Variants in ALG12 observed in about 807,000 individuals in gnomAD.
The protein encoded by ALG12 is ALG12 alpha-1,6-mannosyltransferase.
Under a neutral mutation model 46.0 loss-of-function variants are expected in ALG12, and 36 were observed. That is an observed-to-expected ratio of 0.78 (90% CI 0.60 to 1.03). The LOEUF (loss-of-function observed/expected upper bound fraction) is 1.03, where lower values mean the gene tolerates loss of function less well. Ranked by LOEUF, ALG12 falls within the 50% of genes least tolerant of loss-of-function variation. ALG12 has a pLI of 0.00. For synonymous variants in ALG12, 326 were observed against 291.6 expected, an observed-to-expected ratio of 1.12 and a Z score of -1.20; for missense variants, 599 against 633.5, an observed-to-expected ratio of 0.95 and a Z score of 0.58.
chr22:49,893,539 G>A, the ALG12 span, among the ~76,000 whole-genome samples: 1 of 152,060 alleles, frequency 6.6e-6, no homozygotes, highest in African/African-American at 2.4e-5. Flanking sequence ...TACCAATCTA[G>A]ATTTATATAC....
chr22:49,910,088 A>G lies in ALG12; in HGVS notation c.470T>C (p.Val157Ala). Residue 157 changes from valine (V) to alanine (A), a missense_variant and splice_region_variant, in exon 5 of 10, where the codon GTC (valine) becomes GCC (alanine). Physicochemically the swap from Val to Ala is moderately conservative, Grantham distance 64. Transcript: ENST00000330817. ...CAGCCAGGCCGCGAGGGCCAGCAGGACTGCAAGACAGTGCGGGAGGGTGCT... is the reference window on the plus strand; with the variant it reads ...CAGCCAGGCCGCGAGGGCCAGCAGGGCTGCAAGACAGTGCGGGAGGGTGCT... ...TLPNVLALPV[V>A]LLALAAWLRH... 1.9e-6 allele frequency: 3 copies of G among 1,604,922 alleles called. No homozygotes were observed. The highest frequency in any genetic ancestry group is 2.6e-6 in the Non-Finnish European group (3 of 1,176,380).
Position 49,909,262 on chromosome 22 carries a change from G to GTGA in ALG12, c.749_750insTCA (p.Asn250_Lys251insHis). 6.2e-7 allele frequency: 1 copy of GTGA among 1,614,252 alleles called. No homozygotes were observed. The highest frequency in any genetic ancestry group is 8.5e-7 in the Non-Finnish European group (1 of 1,180,042). On this transcript the variant is annotated inframe_insertion, in exon 6 of 10. Transcript: ENST00000330817. ...AGGATACCCCCCAGTTGGAGCTTTT[G>GTGA]TTCAGGACAGTGTTGTACCAAAGCA...
the ALG12 span, among the ~76,000 whole-genome samples, chr22:49,879,982 C>G: frequency 6.6e-6 from 1 of 150,902 alleles, no homozygotes; most frequent in African/African-American, 2.4e-5. Context: ...GGTTTTCTCC[C>G]GCTTCATCGC....
At chr22:49,886,514 T>C in the ALG12 span, 1 of 1,569,480 alleles carries the variant, frequency 6.4e-7, no homozygotes, top group East Asian at 2.2e-5. This position sits in a 1 kb window ranked among gnomAD's most constrained non-coding sequence, Gnocchi z 7.7. Context: ...AGCACGCAGA[T>C]GTCCACCCTC....
the ALG12 span, among the ~76,000 whole-genome samples, chr22:49,864,839 A>AAAAAAAAAG: frequency 2.5e-3 from 339 of 133,110 alleles, 31 homozygotes; most frequent in African/African-American, 0.012. Flanking sequence ...AAAAAAAAAA[A>AAAAAAAAAG]GCCCTGATTA....
chr22:49,898,241 T>C (rs8142737), downstream of ALG12, among the ~76,000 whole-genome samples: 54,614 of 151,238 alleles, frequency 0.36, 13,888 homozygotes, highest in African/African-American at 0.73. Flanking sequence ...CTCCTAGGCT[T>C]AAGCGATCCT....
chr22:49,886,095 C>T, the ALG12 span: 3 of 680,836 alleles, frequency 4.4e-6, no homozygotes, highest in Non-Finnish European at 8.1e-6. The surrounding 1 kb of genome is among the most constrained non-coding windows in gnomAD (Gnocchi z 7.7). Flanking sequence ...CCGACAACGC[C>T]AGCATCGGGA....
At chr22:49,899,475 C>T (rs910643620), downstream of ALG12, among the ~76,000 whole-genome samples, 166 of 147,358 alleles carry the variant, frequency 1.1e-3, 1 homozygote, top group African/African-American at 4.1e-3. Flanking sequence ...GAGACTCCAT[C>T]TCAAAAAAAA....
chr22:49,914,411 C>T (rs373399694), intron 1 of ALG12, among the ~76,000 whole-genome samples: 5 of 152,254 alleles, frequency 3.3e-5, no homozygotes, highest in African/African-American at 9.6e-5. Context: ...TGCGCCGAAC[C>T]CCACCCTGGG....
At chr22:49,895,825 TG>T (rs1488365788), downstream of ALG12, among the ~76,000 whole-genome samples, 2 of 151,612 alleles carry the variant, frequency 1.3e-5, no homozygotes, top group Non-Finnish European at 2.9e-5. Flanking sequence ...ATAAATGTAG[TG>T]GATTTTAATT....
At chr22:49,882,604 C>T in the ALG12 span, among the ~76,000 whole-genome samples, 1 of 152,216 alleles carries the variant, frequency 6.6e-6, no homozygotes, top group Admixed American at 6.5e-5. Context: ...CAGCTCCTGC[C>T]CCTGTTCTCC....
At chr22:49,909,415 G>GC in intron 5 of ALG12, 68 bp from the exon 6 acceptor site, 2 of 1,462,124 alleles carry the variant, frequency 1.4e-6, no homozygotes, top group Non-Finnish European at 1.9e-6. Context: ...CCACAATGCA[G>GC]CCCCCATCAC....
At chr22:49,881,306 G>T in the ALG12 span, among the ~76,000 whole-genome samples, 2 of 152,264 alleles carry the variant, frequency 1.3e-5, no homozygotes, top group African/African-American at 4.8e-5. Flanking sequence ...CTGAGATCGT[G>T]CCGCTGCACA....
chr22:49,886,120 G>T, the ALG12 span: 1 of 682,568 alleles, frequency 1.5e-6, no homozygotes, highest in Non-Finnish European at 2.7e-6. The surrounding 1 kb of genome is among the most constrained non-coding windows in gnomAD (Gnocchi z 7.7). Context: ...GCTGAACGAG[G>T]GGGAGCACTC....
At chr22:49,897,663 CTTTTTT>C (rs146468551), downstream of ALG12, among the ~76,000 whole-genome samples, 19 of 103,626 alleles carry the variant, frequency 1.8e-4, no homozygotes, top group African/African-American at 5.8e-4. Context: ...CCCATGTTTT[CTTTTTT>C]TTTTTTTTTT....
At chr22:49,889,195 A>G in the ALG12 span, 1 of 167,208 alleles carries the variant, frequency 6.0e-6, no homozygotes. Flanking sequence ...CAGAGCATAT[A>G]GTCTAGTCCA....
At chr22:49,910,405 G>A (rs1424780290) in intron 4 of ALG12, 29 bp downstream of exon 4, 4 of 1,609,920 alleles carry the variant, frequency 2.5e-6, no homozygotes, top group Non-Finnish European at 3.4e-6. Context: ...GGCACCATGG[G>A]TGTGCAGGCC....
At chr22:49,899,264 C>A (rs900737520), downstream of ALG12, among the ~76,000 whole-genome samples, 24 of 152,198 alleles carry the variant, frequency 1.6e-4, 2 homozygotes, top group South Asian at 1.9e-3. Flanking sequence ...ATCACTCAGT[C>A]AGGAGTTCGA....
the ALG12 span, chr22:49,883,809 G>A: frequency 1.2e-6 from 2 of 1,613,386 alleles, no homozygotes; most frequent in Non-Finnish European, 8.5e-7. Context: ...AGGAGGACAT[G>A]AAGCAGACAG....
Sources: allele counts gnomAD v4.1 joint callset (sites outside exome capture counted in the v4.1 genomes callset), GRCh38; gene constraint gnomAD v4.1.1; non-coding constraint Gnocchi (gnomAD v3.1); transcripts MANE v1.5; gene names NCBI Gene and HGNC (gene_info 2026-07-23, HGNC 2026-07-21).